Variants in OPCML observed in about 807,000 individuals in gnomAD.
OPCML encodes the protein opioid-binding protein/cell adhesion molecule.
OPCML carries 13 observed loss-of-function variants against 37.8 expected under a neutral mutation model. The ratio of observed to expected loss-of-function variants is 0.34; its 90% CI spans 0.22 to 0.55. The LOEUF is 0.55. Ranked by LOEUF, OPCML falls within the 20% of genes least tolerant of loss-of-function variation. The pLI is 0.91. For missense variants in OPCML, 341 were observed against 435.6 expected, an observed-to-expected ratio of 0.78 and a Z score of 1.93; for synonymous variants, 176 against 168.8, an observed-to-expected ratio of 1.04 and a Z score of -0.33.
intron 2 of OPCML, among the ~76,000 whole-genome samples, chr11:132,922,358 T>C (rs891096114): frequency 6.6e-6 from 1 of 151,974 alleles, no homozygotes; most frequent in Non-Finnish European, 1.5e-5. Context: ...GACAGAGAAA[T>C]ACTGGACAAT....
chr11:133,078,039 G>T (rs931470941), intron 1 of OPCML, among the ~76,000 whole-genome samples: 1 of 152,154 alleles, frequency 6.6e-6, no homozygotes, highest in Non-Finnish European at 1.5e-5. Context: ...ACATTGCTAT[G>T]ACCTAGCAAT....
At position 133,177,108 on chromosome 11, in the gene OPCML, G is replaced by A. The variant is rs1937613564; in HGVS notation, c.62-234098C>T. On this transcript the variant is annotated intron_variant, in intron 1 of 7. Transcript: ENST00000524381. This position sits in a 1 kb window ranked among gnomAD's most constrained non-coding sequence, Gnocchi z 5.0. The stretch of plus-strand genomic sequence containing the variant: ...AAGGGCCAGGTGTCACCACAACCAT[G>A]TATGTGTGATGGTTCTGTAAAAATG... Among the ~76,000 whole-genome samples, 3 of 152,202 alleles carry A rather than the reference G, an allele frequency of 2.0e-5. No homozygotes were observed. Among genetic ancestry groups the A allele is most frequent in the Admixed American group, 2.0e-4 (3 of 15,284 alleles).
At chr11:133,297,768 C>G (rs965081214) in intron 1 of OPCML, 1 of 152,182 alleles carries the variant, frequency 6.6e-6, no homozygotes, top group Non-Finnish European at 1.5e-5. Flanking sequence ...CATGATCTCT[C>G]TCTCTTTTAA....
Position 132,937,600 on chromosome 11 carries a change from GTGTGT to G in OPCML, c.146+5321_146+5325del, listed in dbSNP as rs1565353473. On this transcript the variant is annotated intron_variant, in intron 2 of 7. Coordinates refer to ENST00000524381, the MANE Select transcript of OPCML (RefSeq NM_001012393.5). Reference sequence around the variant, plus strand: ...GGTGTGTGTGGCGTGTGTGGGGTGTGTGTGTGTGTGTGTGTGTGTGTGTGTGTGTG... The same window carrying G: ...GGTGTGTGTGGCGTGTGTGGGGTGTGGTGTGTGTGTGTGTGTGTGTGTGTG... Among the ~76,000 whole-genome samples the G allele has an allele frequency of 3.1e-3, 112 of 35,882 alleles. 1 individual carries two copies. The highest frequency in any genetic ancestry group is 0.031 in the Admixed American group (103 of 3,374). 23.5% of individuals were successfully genotyped at this position (35,882 alleles called of 152,430 possible). A position where few individuals can be genotyped will look rare whatever the true frequency, so the allele number is the denominator to read the frequency against.
At chr11:132,638,186 T>TATATATATATATAGAGAGAGAGAG (rs71067383) in intron 3 of OPCML, among the ~76,000 whole-genome samples, 4 of 131,018 alleles carry the variant, frequency 3.1e-5, no homozygotes, top group African/African-American at 1.1e-4. Context: ...TATATATATA[T>TATATATATATATAGAGAGAGAGAG]ACAGAGAGAG....
At chr11:132,722,262 T>A (rs540008210) in intron 2 of OPCML, among the ~76,000 whole-genome samples, 1 of 151,826 alleles carries the variant, frequency 6.6e-6, no homozygotes, top group Admixed American at 6.5e-5. Context: ...GCCTATTTTT[T>A]TTTTTCATAC....
chr11:132,416,218 G>T lies in OPCML; in HGVS notation c.*3975C>A, dbSNP rs1271828890. 1.3e-5 allele frequency: 2 copies of T among 152,158 alleles called. No homozygotes were observed. The highest frequency in any genetic ancestry group is 2.9e-5 in the Non-Finnish European group (2 of 68,024). 9.4% of individuals were successfully genotyped at this position (152,158 alleles called of 1,614,324 possible). A position where few individuals can be genotyped will look rare whatever the true frequency, so the allele number is the denominator to read the frequency against. On this transcript the variant is annotated 3_prime_UTR_variant, in exon 8 of 8. Transcript: ENST00000524381. Reference sequence around the variant, plus strand: ...GTGTGTGTTGGTCTGTTTCATTTTGGACTGGTTTTAGGTAATGCATAGCCA... The same window carrying T: ...GTGTGTGTTGGTCTGTTTCATTTTGTACTGGTTTTAGGTAATGCATAGCCA...
In OPCML at chr11:133,174,375, C is replaced by T. The variant is rs989456679; in HGVS notation, c.62-231365G>A. On this transcript the variant is annotated intron_variant, in intron 1 of 7. Coordinates refer to ENST00000524381, the MANE Select transcript of OPCML (RefSeq NM_001012393.5). The surrounding 1 kb of genome is among the most constrained non-coding windows in gnomAD (Gnocchi z 4.6). Reference sequence around the variant, plus strand: ...TTTCTAGTTTCTCAAAAGCCCCATTCCCTGTGCCTGGTAGTGAAATAAGGC... The same window carrying T: ...TTTCTAGTTTCTCAAAAGCCCCATTTCCTGTGCCTGGTAGTGAAATAAGGC... Among the ~76,000 whole-genome samples, 2 of 152,104 alleles carry T rather than the reference C, an allele frequency of 1.3e-5. No individual in the cohort carries two copies. Among genetic ancestry groups the T allele is most frequent in the Non-Finnish European group, 2.9e-5 (2 of 68,030 alleles).
chr11:132,664,441 C>A (rs1207741219), intron 2 of OPCML, among the ~76,000 whole-genome samples: 1 of 152,152 alleles, frequency 6.6e-6, no homozygotes, highest in Non-Finnish European at 1.5e-5. Flanking sequence ...CCCATATTAT[C>A]TTGTAACTTT....
chr11:132,890,228 C>T (rs1372904050), intron 2 of OPCML, among the ~76,000 whole-genome samples: 1 of 152,156 alleles, frequency 6.6e-6, no homozygotes, highest in Non-Finnish European at 1.5e-5. Context: ...CCTTCTCTTC[C>T]ACTTCAAAGA....
chr11:133,234,922 CG>C (rs1940444019), intron 1 of OPCML, among the ~76,000 whole-genome samples: 1 of 152,074 alleles, frequency 6.6e-6, no homozygotes, highest in African/African-American at 2.4e-5. Context: ...TTCCATGGTG[CG>C]GATGGTCTGT....
intron 4 of OPCML, among the ~76,000 whole-genome samples, chr11:132,480,375 G>T (rs527954807): frequency 1.3e-5 from 2 of 152,306 alleles, no homozygotes; most frequent in African/African-American, 4.8e-5. Context: ...TATGTGAAAA[G>T]ACCAAATCTA....
chr11:133,024,755 T>G, intron 1 of OPCML: 3 of 975,708 alleles, frequency 3.1e-6, no homozygotes, highest in Non-Finnish European at 3.7e-6. Flanking sequence ...TATGGGTTAA[T>G]AAGGGCATTT....
At chr11:132,457,278 G>A (rs149249233) in intron 4 of OPCML, among the ~76,000 whole-genome samples, 54 of 152,320 alleles carry the variant, frequency 3.5e-4, no homozygotes, top group African/African-American at 1.2e-3. Flanking sequence ...GAACACAGTC[G>A]TAGGGCATGG....
chr11:133,309,864 TTGG>T (rs1288953642), intron 1 of OPCML, among the ~76,000 whole-genome samples: 1 of 152,076 alleles, frequency 6.6e-6, no homozygotes, highest in Non-Finnish European at 1.5e-5. Flanking sequence ...GTGATGTCTA[TTGG>T]TGGGGAAGTC....
At chr11:132,664,516 A>G (rs1942138294) in intron 2 of OPCML, among the ~76,000 whole-genome samples, 1 of 152,254 alleles carries the variant, frequency 6.6e-6, no homozygotes, top group South Asian at 2.1e-4. Context: ...TTGCTAAGAA[A>G]AACCTGACTA....
At chr11:133,366,314 C>A (rs968443833) in intron 1 of OPCML, among the ~76,000 whole-genome samples, 1 of 152,236 alleles carries the variant, frequency 6.6e-6, no homozygotes, top group South Asian at 2.1e-4. Flanking sequence ...AGTGGGTCAC[C>A]GACGTGAGGC....
intron 4 of OPCML, among the ~76,000 whole-genome samples, chr11:132,459,337 C>T (rs1279708563): frequency 6.6e-6 from 1 of 151,712 alleles, no homozygotes; most frequent in East Asian, 1.9e-4. Flanking sequence ...TTGGAGAAGG[C>T]AGGTCTTGGG....
chr11:132,791,538 G>A (rs1937906422), intron 2 of OPCML, among the ~76,000 whole-genome samples: 3 of 152,072 alleles, frequency 2.0e-5, no homozygotes, highest in Non-Finnish European at 4.4e-5. Context: ...ATAAACAACT[G>A]CACACCTTAA....
Sources: gnomAD v4.1 joint callset for allele counts (sites outside exome capture counted in the v4.1 genomes callset) on GRCh38, gnomAD v4.1.1 for gene constraint, Gnocchi (gnomAD v3.1) non-coding constraint, MANE v1.5 for transcripts, NCBI Gene and HGNC (gene_info 2026-07-23, HGNC 2026-07-21) for gene names.